The following TMEM196 variants were observed in gnomAD, a reference collection of about 807,000 sequenced individuals.
TMEM196 encodes transmembrane protein 196.
In TMEM196, 17 loss-of-function variants were observed where a neutral mutation model predicts 20.0. The observed-to-expected ratio is 0.85, with a 90% CI of 0.58 to 1.27. The LOEUF is 1.27. TMEM196 is among the 50% of genes most tolerant of loss of function. The pLI is 0.00. For synonymous variants in TMEM196, 113 were observed against 88.9 expected (o/e 1.27, Z -1.52); for missense variants, 267 against 223.0 (o/e 1.20, Z -1.26).
intron 2 of TMEM196, among the ~76,000 whole-genome samples, chr7:19,727,389 C>A (rs1363965903): frequency 6.6e-6 from 1 of 152,120 alleles, no homozygotes; most frequent in Non-Finnish European, 1.5e-5. Context: ...TAGTTAATTT[C>A]ATTTCTTCAA....
intron 4 of TMEM196, 99 bp downstream of exon 4, chr7:19,724,181 A>G: frequency 9.5e-7 from 1 of 1,047,468 alleles, no homozygotes; most frequent in South Asian, 1.4e-5. Context: ...ATTAAACAAC[A>G]TCAGTTCAGA....
At position 19,773,032 on chromosome 7, in the gene TMEM196, C is replaced by T. The variant is rs536399987; in HGVS notation, c.-336G>A. ...GCCCAGGGAGCTCCGAGCCTTGCTC[C>T]CCAGGCGCTGTCCAGAGTTCTGCCG... is the stretch of plus-strand genomic sequence containing the variant. On this transcript the variant is annotated 5_prime_UTR_variant, in exon 1 of 5. Transcript: ENST00000405844. 37 of 200,074 alleles carry T rather than the reference C, an allele frequency of 1.8e-4. No individual in the cohort carries two copies. Among genetic ancestry groups the T allele is most frequent in the African/African-American group, 7.6e-4 (33 of 43,540 alleles). The allele number at this position is 200,074 out of a possible 1,614,324, so 12.4% of individuals were successfully genotyped here. A position where few individuals can be genotyped will look rare whatever the true frequency, so the allele number is the denominator to read the frequency against.
intron 1 of TMEM196, among the ~76,000 whole-genome samples, chr7:19,763,282 A>G (rs1164442577): frequency 2.0e-5 from 3 of 152,198 alleles, no homozygotes; most frequent in African/African-American, 4.8e-5. Flanking sequence ...TATTATAAAC[A>G]TAAGCTGCCA....
At chr7:19,759,430 T>C (rs1785343750) in intron 1 of TMEM196, among the ~76,000 whole-genome samples, 1 of 152,210 alleles carries the variant, frequency 6.6e-6, no homozygotes, top group African/African-American at 2.4e-5. Context: ...ATTTCGGTGG[T>C]GTCAACCAAA....
chr7:19,730,665 T>C (rs904995096), intron 1 of TMEM196, among the ~76,000 whole-genome samples: 1 of 152,190 alleles, frequency 6.6e-6, no homozygotes, highest in Non-Finnish European at 1.5e-5. Context: ...GATAGATTTA[T>C]TTCCAAATAC....
chr7:19,755,925 A>T (rs1179176593), intron 1 of TMEM196, among the ~76,000 whole-genome samples: 1 of 152,080 alleles, frequency 6.6e-6, no homozygotes, highest in African/African-American at 2.4e-5. Context: ...GCTACTCAGG[A>T]GGCTGAGGCA....
intron 1 of TMEM196, among the ~76,000 whole-genome samples, chr7:19,757,337 C>CTT (rs59859025): frequency 0.03 from 2,109 of 70,862 alleles, 156 homozygotes; most frequent in African/African-American, 0.096. Flanking sequence ...CCACACCCAG[C>CTT]TTTTTTTTTT....
chr7:19,739,886 T>C (rs1248712128), intron 1 of TMEM196, among the ~76,000 whole-genome samples: 1 of 152,184 alleles, frequency 6.6e-6, no homozygotes, highest in Non-Finnish European at 1.5e-5. Context: ...TACAGAATCA[T>C]ACAATGCTTA....
At chr7:19,760,352 CTTTTT>C (rs55646735) in intron 1 of TMEM196, among the ~76,000 whole-genome samples, 21 of 92,164 alleles carry the variant, frequency 2.3e-4, no homozygotes, top group Non-Finnish European at 3.3e-4. Flanking sequence ...ATATATTTTC[CTTTTT>C]TTTTTTTTTT....
chr7:19,763,901 G>T (rs916000213), intron 1 of TMEM196, among the ~76,000 whole-genome samples: 1 of 152,130 alleles, frequency 6.6e-6, no homozygotes, highest in African/African-American at 2.4e-5. Flanking sequence ...TGTTCAGTGA[G>T]ATAATGTAAC....
intron 1 of TMEM196, among the ~76,000 whole-genome samples, chr7:19,732,402 G>A (rs1001292737): frequency 2.6e-5 from 4 of 152,026 alleles, no homozygotes; most frequent in African/African-American, 9.6e-5. Flanking sequence ...GTGAAACTCC[G>A]TCTCTACTAA....
At chr7:19,735,550 A>T (rs985891441) in intron 1 of TMEM196, among the ~76,000 whole-genome samples, 11 of 152,112 alleles carry the variant, frequency 7.2e-5, no homozygotes, top group Non-Finnish European at 1.6e-4. Context: ...AAGAAAGTTT[A>T]TTTTGGGAAA....
At chr7:19,764,913 A>G (rs888950872) in intron 1 of TMEM196, among the ~76,000 whole-genome samples, 1 of 152,192 alleles carries the variant, frequency 6.6e-6, no homozygotes, top group Non-Finnish European at 1.5e-5. Context: ...TAATGAGGTC[A>G]GGCCTCAGCG....
chr7:19,760,509 T>C (rs555211764), intron 1 of TMEM196, among the ~76,000 whole-genome samples: 13 of 151,824 alleles, frequency 8.6e-5, no homozygotes, highest in Admixed American at 7.9e-4. Context: ...TACAGACATA[T>C]GCCATCACGC....
chr7:19,749,936 T>C (rs1784898870), intron 1 of TMEM196, among the ~76,000 whole-genome samples: 1 of 152,188 alleles, frequency 6.6e-6, no homozygotes, highest in South Asian at 2.1e-4. Flanking sequence ...TTTTCACAGT[T>C]TAGGATCAAT....
chr7:19,748,747 G>A (rs567930481), intron 1 of TMEM196, among the ~76,000 whole-genome samples: 4 of 152,256 alleles, frequency 2.6e-5, no homozygotes, highest in Non-Finnish European at 4.4e-5. Context: ...AAAGGCAAGT[G>A]GAAATTTGGA....
At chr7:19,763,072 G>A (rs141318803) in intron 1 of TMEM196, among the ~76,000 whole-genome samples, 151 of 152,214 alleles carry the variant, frequency 9.9e-4, no homozygotes, top group African/African-American at 3.4e-3. Context: ...CTGTGCCTGG[G>A]TGTGCACACA....
At chr7:19,765,656 G>A (rs1323937661) in intron 1 of TMEM196, among the ~76,000 whole-genome samples, 1 of 152,026 alleles carries the variant, frequency 6.6e-6, no homozygotes, top group South Asian at 2.1e-4. Flanking sequence ...TTGTTAATCT[G>A]ATTGCCAAGT....
At chr7:19,740,697 C>T (rs1397966178) in intron 1 of TMEM196, among the ~76,000 whole-genome samples, 1 of 151,864 alleles carries the variant, frequency 6.6e-6, no homozygotes, top group African/African-American at 2.4e-5. Flanking sequence ...GCTCTGCTAG[C>T]GTTTTTTCAA....
Sources: gnomAD v4.1 joint callset for allele counts (sites outside exome capture counted in the v4.1 genomes callset) on GRCh38, gnomAD v4.1.1 for gene constraint, MANE v1.5 for transcripts, NCBI Gene and HGNC (gene_info 2026-07-23, HGNC 2026-07-21) for gene names.